Variants in MRPL15 observed in about 807,000 individuals in gnomAD.
MRPL15 encodes large ribosomal subunit protein uL15m.
MRPL15 carries 24 observed loss-of-function variants against 28.0 expected under a neutral mutation model. The ratio of observed to expected loss-of-function variants is 0.86; its 90% CI spans 0.62 to 1.21. The LOEUF (loss-of-function observed/expected upper bound fraction) is 1.21, where lower values mean the gene tolerates loss of function less well. Ranked by LOEUF, MRPL15 falls within the 50% of genes most tolerant of loss-of-function variation. MRPL15 has a pLI of 0.00. For missense variants in MRPL15, 343 were observed against 372.4 expected (o/e 0.92, Z 0.65); for synonymous variants, 124 against 137.0 (o/e 0.90, Z 0.66).
rs138125375 is a variant in MRPL15 at position 54,146,069 on chromosome 8, T to C, written c.554-1313T>C. Among the ~76,000 whole-genome samples the C allele has an allele frequency of 3.6e-3, 552 of 152,362 alleles. 4 individuals carry two copies. The highest frequency in any genetic ancestry group is 0.013 in the African/African-American group (522 of 41,584). Reference sequence around the variant, plus strand: ...AGAGCTGTATAAAACAGCTGTCAGATTCTTGCATTCAGCAAACAGCCAGAG... The same window carrying C: ...AGAGCTGTATAAAACAGCTGTCAGACTCTTGCATTCAGCAAACAGCCAGAG... On this transcript the variant is annotated intron_variant, in intron 4 of 4. Coordinates refer to ENST00000260102, the MANE Select transcript of MRPL15 (RefSeq NM_014175.4).
rs1343315717 is a variant in MRPL15 at position 54,147,678 on chromosome 8, A to C, written c.850A>C (p.Lys284Gln). ...GAATATGGCCGATAAGAAAATCCTA[A>C]AACCTACAGATGAAAATCTCCTTAA... ...VVNMADKKIL[K>Q]PTDENLLKYY... The change falls in exon 5 of 5, where the codon AAA becomes CAA. Residue 284 changes from lysine to glutamine, a missense_variant. Physicochemically the swap from Lys to Gln is moderately conservative, Grantham distance 53. Coordinates refer to ENST00000260102, the MANE Select transcript of MRPL15 (RefSeq NM_014175.4). The C allele has an allele frequency of 6.2e-7, 1 of 1,613,660 alleles. No homozygotes were observed. The highest frequency in any genetic ancestry group is 8.5e-7 in the Non-Finnish European group (1 of 1,179,938).
chr8:54,143,370 C>T (rs995526734), intron 4 of MRPL15, among the ~76,000 whole-genome samples: 7 of 152,200 alleles, frequency 4.6e-5, no homozygotes, highest in Non-Finnish European at 8.8e-5. Flanking sequence ...TGAGCCACCA[C>T]GCCCAACCCC....
rs1361573526 is a variant in MRPL15, at chr8:54,148,074, T to C, written c.*355T>C. Reference sequence around the variant, plus strand: ...GCACAAGTGGAATGGGATTGACCTGTAGGCCTGCTCTGCCGAGATGAGAGC... The same window carrying C: ...GCACAAGTGGAATGGGATTGACCTGCAGGCCTGCTCTGCCGAGATGAGAGC... On this transcript the variant is annotated 3_prime_UTR_variant, in exon 5 of 5. Transcript: ENST00000260102. Among the ~76,000 whole-genome samples the C allele has an allele frequency of 1.3e-5, 2 of 152,198 alleles. No homozygotes were observed. Among genetic ancestry groups the C allele is most frequent in the African/African-American group, 4.8e-5 (2 of 41,456 alleles).
intron 3 of MRPL15, 32 bp from the exon 4 acceptor site, chr8:54,142,631 G>A (rs1160596752): frequency 6.2e-7 from 1 of 1,605,800 alleles, no homozygotes; most frequent in African/African-American, 1.3e-5. Flanking sequence ...TAGCCAAGCT[G>A]TTTACCAACA....
chr8:54,135,570 C>CTTTTT (rs537299219), intron 1 of MRPL15, among the ~76,000 whole-genome samples, 179 bp downstream of exon 1: 13 of 116,896 alleles, frequency 1.1e-4, no homozygotes, highest in Non-Finnish European at 1.7e-4. Context: ...GCACCCAGTT[C>CTTTTT]TTTTTTTTTT....
At position 54,147,612 on chromosome 8, in the gene MRPL15, C is replaced by A; in HGVS notation, c.784C>A (p.Pro262Thr). The A allele has an allele frequency of 6.2e-7, 1 of 1,614,118 alleles. No individual in the cohort carries two copies. Among genetic ancestry groups the A allele is most frequent in the Non-Finnish European group, 8.5e-7 (1 of 1,180,016 alleles). The stretch of plus-strand genomic sequence containing the variant: ...CAAAATGCTCTGTACTAGGAAGGAT[C>A]CAAGGCAGATTTTCTTTGGTCTTGC... The part of the protein sequence containing the change: ...LFKMLCTRKD[P>T]RQIFFGLAPG... Residue 262 changes from proline to threonine, a missense_variant, in exon 5 of 5, where the codon CCA becomes ACA. Pro to Thr is a conservative substitution (Grantham distance 38). Coordinates refer to ENST00000260102, the MANE Select transcript of MRPL15 (RefSeq NM_014175.4).
intron 2 of MRPL15, among the ~76,000 whole-genome samples, chr8:54,137,031 T>C (rs1586215102): frequency 6.6e-6 from 1 of 152,342 alleles, no homozygotes; most frequent in African/African-American, 2.4e-5. Flanking sequence ...GATTTATTTG[T>C]GTAAATAAGT....
Position 54,147,691 on chromosome 8 carries a change from A to C in MRPL15, c.863A>C (p.Glu288Ala). The C allele has an allele frequency of 6.2e-7, 1 of 1,613,398 alleles. No homozygotes were observed. The highest frequency in any genetic ancestry group is 8.5e-7 in the Non-Finnish European group (1 of 1,179,744). The change falls in exon 5 of 5, where the codon GAA (glutamate) becomes GCA (alanine). Residue 288 changes from glutamate (E) to alanine (A), a missense_variant. By Grantham distance (107) the Glu-to-Ala change is moderately radical. Coordinates refer to ENST00000260102, the MANE Select transcript of MRPL15 (RefSeq NM_014175.4). ...ADKKILKPTD[E>A]NLLKYYTS ...AAGAAAATCCTAAAACCTACAGATGAAAATCTCCTTAAGTATTATACCTCA... is the reference window on the plus strand; with the variant it reads ...AAGAAAATCCTAAAACCTACAGATGCAAATCTCCTTAAGTATTATACCTCA...
chr8:54,143,452 A>C (rs1334707206), intron 4 of MRPL15, among the ~76,000 whole-genome samples: 1 of 152,076 alleles, frequency 6.6e-6, no homozygotes, highest in Admixed American at 6.6e-5. Context: ...AGTCCATCCA[A>C]AATTTGGAGT....
intron 2 of MRPL15, 142 bp downstream of exon 2, chr8:54,136,807 G>A (rs1237809087): frequency 9.4e-7 from 1 of 1,058,628 alleles, no homozygotes; most frequent in African/African-American, 1.6e-5. Context: ...ACCATTTTTT[G>A]GTAATGAAAT....
intron 4 of MRPL15, among the ~76,000 whole-genome samples, chr8:54,143,625 T>A (rs1216145787): frequency 6.6e-6 from 1 of 152,230 alleles, no homozygotes; most frequent in East Asian, 1.9e-4. Flanking sequence ...TGCTTCCATC[T>A]GCAGTGGAGT....
At chr8:54,146,909 CTTTAG>C (rs1416690972) in intron 4 of MRPL15, among the ~76,000 whole-genome samples, 1 of 152,146 alleles carries the variant, frequency 6.6e-6, no homozygotes, top group Non-Finnish European at 1.5e-5. Flanking sequence ...TTTGCCTGCT[CTTTAG>C]TTAAGATAAC....
chr8:54,146,502 T>C (rs968787291), intron 4 of MRPL15, among the ~76,000 whole-genome samples: 2 of 151,732 alleles, frequency 1.3e-5, no homozygotes, highest in African/African-American at 4.8e-5. Flanking sequence ...TGGTGGGTGA[T>C]AGTTAACATC....
At chr8:54,145,926 C>T (rs555093483) in intron 4 of MRPL15, among the ~76,000 whole-genome samples, 106 of 152,314 alleles carry the variant, frequency 7.0e-4, no homozygotes, top group African/African-American at 2.4e-3. Context: ...TTCTTGGTCT[C>T]GACCCTTAGC....
intron 2 of MRPL15, 69 bp from the exon 3 acceptor site, chr8:54,137,199 G>T: frequency 6.8e-7 from 1 of 1,470,316 alleles, no homozygotes; most frequent in Non-Finnish European, 9.3e-7. Context: ...ACAAGACAAA[G>T]CTTTGAGTTG....
At chr8:54,142,811 C>T (rs749297485) in intron 4 of MRPL15, 25 bp downstream of exon 4, 2 of 1,609,762 alleles carry the variant, frequency 1.2e-6, no homozygotes, top group South Asian at 2.2e-5. Flanking sequence ...CGGTCATTTT[C>T]TTCTTTCTCT....
At chr8:54,145,368 C>T (rs563062006) in intron 4 of MRPL15, among the ~76,000 whole-genome samples, 1 of 152,226 alleles carries the variant, frequency 6.6e-6, no homozygotes, top group East Asian at 1.9e-4. Flanking sequence ...GTGTGTGCCA[C>T]CATGCCTGGC....
intron 3 of MRPL15, among the ~76,000 whole-genome samples, chr8:54,140,927 G>T (rs905001371): frequency 1.4e-5 from 2 of 145,178 alleles, no homozygotes; most frequent in South Asian, 4.4e-4. Flanking sequence ...AAAATTGGAG[G>T]TTTTTTTTTT....
chr8:54,144,220 A>C (rs915209059), intron 4 of MRPL15, among the ~76,000 whole-genome samples: 4 of 152,178 alleles, frequency 2.6e-5, no homozygotes, highest in African/African-American at 9.7e-5. Context: ...TTGTTGAATA[A>C]ATTAATTGGA....
Sources: allele counts gnomAD v4.1 joint callset (sites outside exome capture counted in the v4.1 genomes callset), GRCh38; gene constraint gnomAD v4.1.1; transcripts MANE v1.5; gene names NCBI Gene and HGNC (gene_info 2026-07-23, HGNC 2026-07-21).